The following WDR97 variants were observed in gnomAD, a reference collection of about 807,000 sequenced individuals.
WDR97 encodes the protein WD repeat-containing protein 97.
WDR97 carries 111 observed loss-of-function variants against 65.4 expected under a neutral mutation model. That is an observed-to-expected ratio of 1.70 (90% CI 1.45 to 1.99). The LOEUF is 1.99. Ranked by LOEUF, WDR97 falls within the 30% of genes most tolerant of loss-of-function variation. The pLI is 0.00. For missense variants in WDR97, 1,674 were observed against 865.0 expected, an observed-to-expected ratio of 1.94 and a Z score of -11.73; for synonymous variants, 802 against 397.7, an observed-to-expected ratio of 2.02 and a Z score of -12.10.
At position 144,116,253 on chromosome 8, in the gene WDR97, A is replaced by T. The variant is rs780450989; in HGVS notation, c.4829A>T (p.Tyr1610Phe). Residue 1610 changes from tyrosine (Y) to phenylalanine (F), a missense_variant, in exon 24 of 24, where the codon TAC becomes TTC. Physicochemically the swap from Tyr to Phe is conservative, Grantham distance 22. Coordinates refer to ENST00000323662, the MANE Select transcript of WDR97 (RefSeq NM_001316309.2). ...PRLLQPALQR[Y>F]FLPADADPDT... Reference sequence around the variant, plus strand: ...CTCCTGCAGCCGGCCCTGCAGCGCTACTTTCTGCCAGCGGACGCGGACCCT... The same window carrying T: ...CTCCTGCAGCCGGCCCTGCAGCGCTTCTTTCTGCCAGCGGACGCGGACCCT... 13 of 668,234 alleles carry T rather than the reference A, an allele frequency of 1.9e-5. No homozygotes were observed. Among genetic ancestry groups the T allele is most frequent in the South Asian group, 1.9e-4 (12 of 64,114 alleles). 41.4% of individuals were successfully genotyped at this position (668,234 alleles called of 1,614,324 possible).
At position 144,114,857 on chromosome 8, in the gene WDR97, C is replaced by T. The variant is rs911382048; in HGVS notation, c.4023C>T (p.Ala1341=). 1.3e-5 allele frequency: 9 copies of T among 702,286 alleles called. No individual in the cohort carries two copies. Among genetic ancestry groups the T allele is most frequent in the African/African-American group, 7.0e-5 (4 of 57,242 alleles). The allele number at this position is 702,286 out of a possible 1,614,324, so 43.5% of individuals were successfully genotyped here. ...AGGGCCCAGACCTGGACTCCAAGGCCGGCCTGCGCACTTGCTGCCACCAGA... is the reference window on the plus strand; with the variant it reads ...AGGGCCCAGACCTGGACTCCAAGGCTGGCCTGCGCACTTGCTGCCACCAGA... ...WVQGPDLDSK[A]GLRTCCHQKL... is the part of the protein sequence containing the mutation. The change falls in exon 21 of 24, where the codon GCC becomes GCT. Residue 1341 remains alanine, a synonymous_variant. Coordinates refer to ENST00000323662, the MANE Select transcript of WDR97 (RefSeq NM_001316309.2).
chr8:144,108,945 G>A lies in WDR97; in HGVS notation c.878+1G>A, dbSNP rs753753970. The A allele has an allele frequency of 2.8e-6, 2 of 703,000 alleles. No homozygotes were observed. The highest frequency in any genetic ancestry group is 5.2e-6 in the Non-Finnish European group (2 of 385,010). The allele number at this position is 703,000 out of a possible 1,614,324, so 43.5% of individuals were successfully genotyped here. ...ATGTGCGCCGGGATTTGCACAAAACGTGAGGGGGATCCCCCTAGGGAGGGC... is the reference window on the plus strand; with the variant it reads ...ATGTGCGCCGGGATTTGCACAAAACATGAGGGGGATCCCCCTAGGGAGGGC... On this transcript the variant is annotated splice_donor_variant, in intron 3 of 23. Transcript: ENST00000323662. LOFTEE classifies it high-confidence loss of function.
chr8:144,115,939 C>T lies in WDR97; in HGVS notation c.4596-4C>T, dbSNP rs1253224812. The T allele has an allele frequency of 5.7e-6, 4 of 701,146 alleles. No individual in the cohort carries two copies. Among genetic ancestry groups the T allele is most frequent in the Non-Finnish European group, 7.8e-6 (3 of 384,408 alleles). The allele number at this position is 701,146 out of a possible 1,614,324, so 43.4% of individuals were successfully genotyped here. On this transcript the variant is annotated splice_polypyrimidine_tract_variant and splice_region_variant and intron_variant, in intron 22 of 23. Coordinates refer to ENST00000323662, the MANE Select transcript of WDR97 (RefSeq NM_001316309.2). ...GCCAGCTGAACCCTCCTCTTTGCCT[C>T]CAGGTACCACCCCATCCTCCGGCTG... is the stretch of plus-strand genomic sequence containing the variant.
In WDR97 at chr8:144,117,599, C is replaced by CTGTTTTGTTTTGTTT. The variant is rs55688630; in HGVS notation, c.*1323_*1337dup. On this transcript the variant is annotated 3_prime_UTR_variant, in exon 24 of 24. Transcript: ENST00000323662. ...GGTCAGAGGATTTCTTTATGGCTAT[C>CTGTTTTGTTTTGTTT]TGTTTTGTTTTGTTTTGTTTTGTTT... is the stretch of plus-strand genomic sequence containing the variant. 0.057 allele frequency: 8,651 copies of CTGTTTTGTTTTGTTT among 151,644 alleles called. 268 individuals are homozygous for CTGTTTTGTTTTGTTT. Among genetic ancestry groups the CTGTTTTGTTTTGTTT allele is most frequent in the African/African-American group, 0.072 (2,940 of 40,804 alleles). The allele number at this position is 151,644 out of a possible 1,614,324, so 9.4% of individuals were successfully genotyped here.
At position 144,114,538 on chromosome 8, in the gene WDR97, C is replaced by T. The variant is rs547701275; in HGVS notation, c.3793-16C>T. ...CCACCGGCCCTCAGCAACCACATCCCCACCGCCTGCCTCAGGACCAGACAC... is the reference window on the plus strand; with the variant it reads ...CCACCGGCCCTCAGCAACCACATCCTCACCGCCTGCCTCAGGACCAGACAC... On this transcript the variant is annotated splice_polypyrimidine_tract_variant and intron_variant, in intron 19 of 23. Transcript: ENST00000323662. The T allele has an allele frequency of 1.4e-6, 1 of 702,820 alleles. No individual in the cohort carries two copies. The highest frequency in any genetic ancestry group is 2.0e-5 in the Admixed American group (1 of 50,014). The allele number at this position is 702,820 out of a possible 1,614,324, so 43.5% of individuals were successfully genotyped here.
At chr8:144,110,302 C>T in intron 6 of WDR97, 39 bp from the exon 7 acceptor site, 1 of 702,274 alleles carries the variant, frequency 1.4e-6, no homozygotes, top group Non-Finnish European at 2.6e-6. Context: ...AGAGCCCCCT[C>T]CCCTCCGACA....
In WDR97 at chr8:144,108,477, C is replaced by A. The variant is rs1340872452; in HGVS notation, c.411C>A (p.Asp137Glu). 3 of 700,490 alleles carry A rather than the reference C, an allele frequency of 4.3e-6. No homozygotes were observed. The Admixed American group carries it at 6.0e-5, about 14-fold the overall frequency. The allele number at this position is 700,490 out of a possible 1,614,324, so 43.4% of individuals were successfully genotyped here. Residue 137 changes from aspartate to glutamate, a missense_variant, in exon 3 of 24, where the codon GAC becomes GAA. Coordinates refer to ENST00000323662, the MANE Select transcript of WDR97 (RefSeq NM_001316309.2). Reference protein sequence around the residue: ...GAGRLHLHKEDGWAQETLLAP... With the variant: ...GAGRLHLHKEEGWAQETLLAP... Reference sequence around the variant, plus strand: ...GCCGCCTGCACCTGCACAAGGAAGACGGCTGGGCACAGGAGACGCTGCTGG... The same window carrying A: ...GCCGCCTGCACCTGCACAAGGAAGAAGGCTGGGCACAGGAGACGCTGCTGG...
chr8:144,110,024 A>G lies in WDR97; in HGVS notation c.1690A>G (p.Asn564Asp). Reference protein sequence around the residue: ...RCSSVACAWKNKNRYLPVVGH... With the variant: ...RCSSVACAWKDKNRYLPVVGH... ...CAGCTCTGTGGCCTGCGCCTGGAAG[A>G]ACAAGAACCGGTGGGTGCGGGAGCC... is the stretch of plus-strand genomic sequence containing the variant. Residue 564 changes from asparagine to aspartate, a missense_variant, in exon 5 of 24, where the codon AAC becomes GAC. Transcript: ENST00000323662. 1 of 696,478 alleles carries G rather than the reference A, an allele frequency of 1.4e-6. No homozygotes were observed. The highest frequency in any genetic ancestry group is 2.3e-4 in the Middle Eastern group (1 of 4,352). 43.1% of individuals were successfully genotyped at this position (696,478 alleles called of 1,614,324 possible). A position where few individuals can be genotyped will look rare whatever the true frequency, so the allele number is the denominator to read the frequency against.
In WDR97 at chr8:144,116,562, G is replaced by T; in HGVS notation, c.*269G>T. 1 of 407,820 alleles carries T rather than the reference G, an allele frequency of 2.5e-6. No homozygotes were observed. Among genetic ancestry groups the T allele is most frequent in the Non-Finnish European group, 4.3e-6 (1 of 229,972 alleles). The allele number at this position is 407,820 out of a possible 1,614,324, so 25.3% of individuals were successfully genotyped here. A position where few individuals can be genotyped will look rare whatever the true frequency, so the allele number is the denominator to read the frequency against. ...CTAGGGCAGAGGAGACCCATAGCGG[G>T]GTACCATCCGCTGGGCACTGAGCAA... On this transcript the variant is annotated 3_prime_UTR_variant, in exon 24 of 24. Coordinates refer to ENST00000323662, the MANE Select transcript of WDR97 (RefSeq NM_001316309.2).
chr8:144,113,626 C>T (rs754346771), intron 16 of WDR97, 31 bp from the exon 17 acceptor site: 59 of 649,196 alleles, frequency 9.1e-5, no homozygotes, highest in Non-Finnish European at 2.8e-5. Context: ...TCCTTGCAAC[C>T]CATCAGGCAC....
intron 11 of WDR97, 61 bp from the exon 12 acceptor site, chr8:144,111,571 G>T: frequency 1.5e-6 from 1 of 682,594 alleles, no homozygotes; most frequent in Non-Finnish European, 2.7e-6. Context: ...CCCCATGGTT[G>T]CCCGGGCAGC....
rs773204252 is a variant in WDR97, at chr8:144,116,116, G to C, written c.4692G>C (p.Ala1564=). The C allele has an allele frequency of 8.6e-6, 6 of 697,456 alleles. No homozygotes were observed. Among genetic ancestry groups the C allele is most frequent in the South Asian group, 7.5e-5 (5 of 67,042 alleles). The allele number at this position is 697,456 out of a possible 1,614,324, so 43.2% of individuals were successfully genotyped here. ...GCCCCATGCGGTCCCGGCTCTGTGC[G>C]GGCCGCACCCTGGACGGCCCCATCC... ...LRGPMRSRLC[A]GRTLDGPIRT... The change falls in exon 24 of 24, where the codon GCG becomes GCC. Residue 1564 remains alanine (A), a synonymous_variant. Coordinates refer to ENST00000323662, the MANE Select transcript of WDR97 (RefSeq NM_001316309.2).
Position 144,110,488 on chromosome 8 carries a change from G to T in WDR97, c.1991G>T (p.Ser664Ile). Residue 664 changes from serine to isoleucine, a missense_variant, in exon 7 of 24, where the codon AGC becomes ATC. Transcript: ENST00000323662. ...ACCGCGGGCTTTGAGGACCCAGACA[G>T]CGCTACCTACGGCCTGGTGCAGTTT... Reference protein sequence around the residue: ...RVTAGFEDPDSATYGLVQFGL... With the variant: ...RVTAGFEDPDIATYGLVQFGL... The T allele has an allele frequency of 2.8e-6, 2 of 702,994 alleles. No homozygotes were observed. Among genetic ancestry groups the T allele is most frequent in the South Asian group, 1.5e-5 (1 of 67,604 alleles). The allele number at this position is 702,994 out of a possible 1,614,324, so 43.5% of individuals were successfully genotyped here.
chr8:144,107,781 TAC>T lies in WDR97; in HGVS notation c.33_34del (p.Tyr11Ter), dbSNP rs1836447211. ...GGCAGAGGTGTGGGAGGCAGAAGGC[TAC>T]AACCTAGTTCTGGACTCGGACCTGT... MEAEVWEAEG[Y>X]NLVLDSDLYD... On this transcript the variant is annotated frameshift_variant, in exon 1 of 24. Transcript: ENST00000323662. LOFTEE classifies it high-confidence loss of function. 2.8e-6 allele frequency: 2 copies of T among 702,842 alleles called. No individual in the cohort carries two copies. Among genetic ancestry groups the T allele is most frequent in the Non-Finnish European group, 5.2e-6 (2 of 384,988 alleles). The allele number at this position is 702,842 out of a possible 1,614,324, so 43.5% of individuals were successfully genotyped here. A position where few individuals can be genotyped will look rare whatever the true frequency, so the allele number is the denominator to read the frequency against.
chr8:144,110,425 A>T lies in WDR97; in HGVS notation c.1928A>T (p.Tyr643Phe), dbSNP rs1030678488. ...CTGCTGCGCACCTTCTCCTGCTGCTACCCGGCCGTGGCGCTCTGTGCGCTA... is the reference window on the plus strand; with the variant it reads ...CTGCTGCGCACCTTCTCCTGCTGCTTCCCGGCCGTGGCGCTCTGTGCGCTA... ...LSLLRTFSCC[Y>F]PAVALCALGR... The change falls in exon 7 of 24, where the codon TAC (tyrosine) becomes TTC (phenylalanine). Residue 643 changes from tyrosine to phenylalanine, a missense_variant. Tyr to Phe is a conservative substitution (Grantham distance 22). Transcript: ENST00000323662. The T allele has an allele frequency of 4.3e-6, 3 of 702,794 alleles. No homozygotes were observed. The highest frequency in any genetic ancestry group is 7.8e-6 in the Non-Finnish European group (3 of 384,968). 43.5% of individuals were successfully genotyped at this position (702,794 alleles called of 1,614,324 possible). A position where few individuals can be genotyped will look rare whatever the true frequency, so the allele number is the denominator to read the frequency against.
chr8:144,111,262 T>C (rs976127989), intron 10 of WDR97, 40 bp downstream of exon 10: 1 of 702,636 alleles, frequency 1.4e-6, no homozygotes, highest in African/African-American at 1.7e-5. Context: ...GAGGCCCTCC[T>C]TTCCCACTCT....
In WDR97 at chr8:144,115,797, C is replaced by T. The variant is rs776946702; in HGVS notation, c.4534C>T (p.Pro1512Ser). The T allele has an allele frequency of 2.9e-6, 2 of 694,726 alleles. No individual in the cohort carries two copies. The highest frequency in any genetic ancestry group is 3.0e-5 in the South Asian group (2 of 66,592). The allele number at this position is 694,726 out of a possible 1,614,324, so 43.0% of individuals were successfully genotyped here. A position where few individuals can be genotyped will look rare whatever the true frequency, so the allele number is the denominator to read the frequency against. Reference protein sequence around the residue: ...LQEKAAHPHPPEPYTVAPVPD... With the variant: ...LQEKAAHPHPSEPYTVAPVPD... ...GGAGAAGGCTGCGCACCCACACCCG[C>T]CAGAGCCCTACACGGTGGCGCCGGT... The change falls in exon 22 of 24, where the codon CCA (proline) becomes TCA (serine). Residue 1512 changes from proline to serine, a missense_variant. Transcript: ENST00000323662.
Position 144,108,556 on chromosome 8 carries a change from G to T in WDR97, c.490G>T (p.Gly164Cys), listed in dbSNP as rs909506171. 7.1e-6 allele frequency: 5 copies of T among 700,918 alleles called. No individual in the cohort carries two copies. The highest frequency in any genetic ancestry group is 1.3e-5 in the Non-Finnish European group (5 of 384,494). 43.4% of individuals were successfully genotyped at this position (700,918 alleles called of 1,614,324 possible). A position where few individuals can be genotyped will look rare whatever the true frequency, so the allele number is the denominator to read the frequency against. Residue 164 changes from glycine to cysteine, a missense_variant, in exon 3 of 24, where the codon GGC (glycine) becomes TGC (cysteine). Transcript: ENST00000323662. ...VTVLGPLGAV[G>C]RFVGWGPAGL... ...CGTGCTGGGCCCGCTGGGTGCCGTG[G>T]GCCGTTTTGTAGGCTGGGGCCCCGC...
intron 21 of WDR97, 105 bp from the exon 22 acceptor site, chr8:144,115,236 G>T: frequency 1.8e-6 from 1 of 569,706 alleles, no homozygotes; most frequent in Non-Finnish European, 3.1e-6. Context: ...TTGGCCATGG[G>T]TCACCTCCTG....
Sources: allele counts gnomAD v4.1 joint callset, GRCh38; gene constraint gnomAD v4.1.1; transcripts MANE v1.5; gene names NCBI Gene and HGNC (gene_info 2026-07-23, HGNC 2026-07-21).